The following HDAC9 variants were observed in gnomAD, a reference collection of about 807,000 sequenced individuals.
HDAC9 encodes histone deacetylase 9, also known as MEF-2 interacting transcription repressor (MITR) protein.
A neutral mutation model predicts 139.4 loss-of-function variants in HDAC9; 41 were observed. The observed-to-expected ratio is 0.29, with a 90% CI of 0.23 to 0.38. The LOEUF (loss-of-function observed/expected upper bound fraction) is 0.38. Ranked by LOEUF, HDAC9 falls within the 10% of genes least tolerant of loss-of-function variation. The pLI is 1.00. For missense variants in HDAC9, 1,147 were observed against 1,297.0 expected (o/e 0.88, Z 1.78); for synonymous variants, 517 against 476.2 (o/e 1.09, Z -1.12).
chr7:18,599,471 C>G (rs1004815363), intron 6 of HDAC9, among the ~76,000 whole-genome samples: 7 of 152,140 alleles, frequency 4.6e-5, no homozygotes, highest in Non-Finnish European at 4.4e-5. Context: ...TCATCCTCCC[C>G]CCACCCAACT....
At chr7:18,836,949 C>A (rs949568767) in intron 21 of HDAC9, among the ~76,000 whole-genome samples, 2 of 151,812 alleles carry the variant, frequency 1.3e-5, no homozygotes, top group Non-Finnish European at 2.9e-5. Context: ...GAAGAAAATC[C>A]TGTTGATACC....
chr7:18,800,886 G>A (rs1210336647), intron 17 of HDAC9, among the ~76,000 whole-genome samples: 1 of 151,624 alleles, frequency 6.6e-6, no homozygotes, highest in Non-Finnish European at 1.5e-5. Context: ...ATATATATAT[G>A]TAGGTAATTT....
At chr7:18,173,770 C>T (rs911956673) in intron 2 of HDAC9, among the ~76,000 whole-genome samples, 2 of 152,112 alleles carry the variant, frequency 1.3e-5, no homozygotes, top group Non-Finnish European at 2.9e-5. Flanking sequence ...TGAATTTTGG[C>T]CCCCACTCTC....
chr7:18,411,354 A>G (rs1344782411), intron 1 of HDAC9, among the ~76,000 whole-genome samples: 1 of 152,220 alleles, frequency 6.6e-6, no homozygotes, highest in African/African-American at 2.4e-5. Context: ...TACAGTATTC[A>G]ATAAATTACA....
intron 1 of HDAC9, among the ~76,000 whole-genome samples, chr7:18,300,727 G>A (rs780094666): frequency 4.6e-5 from 7 of 151,788 alleles, no homozygotes; most frequent in Non-Finnish European, 7.4e-5. Flanking sequence ...AAACAGACCG[G>A]TTATATTAAA....
intron 11 of HDAC9, among the ~76,000 whole-genome samples, chr7:18,653,124 G>C (rs555203993): frequency 6.6e-6 from 1 of 151,460 alleles, no homozygotes; most frequent in East Asian, 2.0e-4. Context: ...TGTAATCCCA[G>C]TTACTCAGGA....
intron 15 of HDAC9, among the ~76,000 whole-genome samples, chr7:18,766,033 G>C (rs1285470442): frequency 6.6e-6 from 1 of 152,204 alleles, no homozygotes; most frequent in East Asian, 1.9e-4. Context: ...TGTCTTCTGT[G>C]ACAATAAAAG....
At chr7:18,473,442 G>A (rs1328948635) in intron 1 of HDAC9, among the ~76,000 whole-genome samples, 1 of 152,148 alleles carries the variant, frequency 6.6e-6, no homozygotes, top group Non-Finnish European at 1.5e-5. Context: ...AAGTCTCTAG[G>A]AGACAATATT....
chr7:18,169,909 G>T (rs1039255322), intron 2 of HDAC9, among the ~76,000 whole-genome samples: 1 of 152,078 alleles, frequency 6.6e-6, no homozygotes, highest in Non-Finnish European at 1.5e-5. Context: ...GAATAGTGCC[G>T]CAATAAACAT....
intron 1 of HDAC9, among the ~76,000 whole-genome samples, chr7:18,415,872 A>G (rs1369639673): frequency 6.6e-6 from 1 of 151,994 alleles, no homozygotes; most frequent in Non-Finnish European, 1.5e-5. Flanking sequence ...TTTTTTAGTT[A>G]TAGGGAATTG....
chr7:18,538,181 C>T (rs879490813), intron 2 of HDAC9, among the ~76,000 whole-genome samples: 6 of 152,146 alleles, frequency 3.9e-5, no homozygotes, highest in Non-Finnish European at 7.4e-5. Context: ...TACATTCTCC[C>T]GTGGGGTCTC....
chr7:18,616,876 G>A (rs568613242), intron 6 of HDAC9, among the ~76,000 whole-genome samples: 2 of 152,100 alleles, frequency 1.3e-5, no homozygotes, highest in East Asian at 3.9e-4. Flanking sequence ...TAGACTTAGA[G>A]GTTACACCTA....
intron 2 of HDAC9, among the ~76,000 whole-genome samples, chr7:18,220,404 A>G (rs1792616365): frequency 6.6e-6 from 1 of 152,174 alleles, no homozygotes. Context: ...TTTGAAACCC[A>G]TAGATGTGAT....
chr7:18,835,697 A>G, intron 20 of HDAC9, 111 bp downstream of exon 20: 1 of 1,412,688 alleles, frequency 7.1e-7, no homozygotes, highest in Middle Eastern at 1.8e-4. Flanking sequence ...ATTACACGAG[A>G]TTACTGAATT....
intron 13 of HDAC9, among the ~76,000 whole-genome samples, chr7:18,740,975 G>A (rs555448335): frequency 3.9e-5 from 6 of 152,274 alleles, no homozygotes; most frequent in African/African-American, 1.2e-4. Flanking sequence ...TCAATTCTAT[G>A]AGGGCTGAGA....
At chr7:18,674,927 T>A (rs1007593955) in intron 12 of HDAC9, among the ~76,000 whole-genome samples, 3 of 152,048 alleles carry the variant, frequency 2.0e-5, no homozygotes, top group Non-Finnish European at 4.4e-5. Context: ...TAATTTATAT[T>A]TGTATATGAA....
At chr7:18,417,401 C>T (rs776364626) in intron 1 of HDAC9, among the ~76,000 whole-genome samples, 8 of 152,056 alleles carry the variant, frequency 5.3e-5, no homozygotes, top group African/African-American at 9.7e-5. Context: ...ATTTTCAATT[C>T]GTTGGCTTTT....
chr7:18,652,633 A>G (rs192434162), intron 11 of HDAC9, among the ~76,000 whole-genome samples: 3 of 152,132 alleles, frequency 2.0e-5, no homozygotes, highest in East Asian at 1.9e-4. Flanking sequence ...ATTATTCTTT[A>G]TTTCTCTGTT....
intron 22 of HDAC9, among the ~76,000 whole-genome samples, chr7:18,931,461 A>G (rs1361758794): frequency 6.6e-6 from 1 of 152,176 alleles, no homozygotes; most frequent in African/African-American, 2.4e-5. Flanking sequence ...ATTTTTGTCA[A>G]GAATTTTAAA....
Sources: allele counts gnomAD v4.1 joint callset (sites outside exome capture counted in the v4.1 genomes callset), GRCh38; gene constraint gnomAD v4.1.1; transcripts MANE v1.5; gene names NCBI Gene and HGNC (gene_info 2026-07-23, HGNC 2026-07-21).